Variants in CNTNAP2 observed in about 807,000 individuals in gnomAD.
The protein encoded by CNTNAP2 is contactin associated protein 2.
A neutral mutation model predicts 155.2 loss-of-function variants in CNTNAP2; 98 were observed. The observed-to-expected ratio is 0.63, with a 90% CI of 0.54 to 0.75. The LOEUF is 0.75. Ranked by LOEUF, CNTNAP2 falls within the 30% of genes least tolerant of loss-of-function variation. The probability of loss-of-function intolerance (pLI) is 0.00; values close to 1 mark genes in which losing one functional copy is unlikely to be tolerated. For missense variants in CNTNAP2, 1,727 were observed against 1,688.1 expected (o/e 1.02, Z -0.40); for synonymous variants, 651 against 631.2 (o/e 1.03, Z -0.47).
At position 148,365,861 on chromosome 7, in the gene CNTNAP2, CATGTAT is replaced by C. The variant is rs1293472174; in HGVS notation, c.3476-17787_3476-17782del. On this transcript the variant is annotated intron_variant, in intron 21 of 23. Coordinates refer to ENST00000361727, the MANE Select transcript of CNTNAP2 (RefSeq NM_014141.6). ...ATACATGCATGTGTATGCATGTATACATGTATGTGTATGCATGTATACATGTATGTG... is the reference window on the plus strand; with the variant it reads ...ATACATGCATGTGTATGCATGTATACGTGTATGCATGTATACATGTATGTG... Among the ~76,000 whole-genome samples the C allele has an allele frequency of 2.4e-4, 13 of 54,438 alleles. 5 individuals carry two copies. The highest frequency in any genetic ancestry group is 8.8e-4 in the African/African-American group (13 of 14,828). The allele number at this position is 54,438 out of a possible 152,430, so 35.7% of individuals were successfully genotyped here.
chr7:146,246,527 T>A (rs1799659142), intron 1 of CNTNAP2, among the ~76,000 whole-genome samples: 1 of 149,696 alleles, frequency 6.7e-6, no homozygotes, highest in Non-Finnish European at 1.5e-5. Flanking sequence ...TAATGTGGAG[T>A]GGGTAGCCTC....
At chr7:147,393,497 AAAC>A (rs1796758206) in intron 9 of CNTNAP2, among the ~76,000 whole-genome samples, 2 of 151,976 alleles carry the variant, frequency 1.3e-5, no homozygotes, top group Admixed American at 1.3e-4. Flanking sequence ...AAAAAAAAAA[AAAC>A]AGAAACAAAT....
chr7:146,439,842 G>A (rs759364567), intron 1 of CNTNAP2, among the ~76,000 whole-genome samples: 6 of 151,446 alleles, frequency 4.0e-5, no homozygotes, highest in East Asian at 1.9e-4. Context: ...AATCTCTCTC[G>A]GATAGGCGTG....
intron 14 of CNTNAP2, among the ~76,000 whole-genome samples, chr7:147,926,156 C>G (rs1800394463): frequency 6.6e-6 from 1 of 151,994 alleles, no homozygotes; most frequent in African/African-American, 2.4e-5. Context: ...ATTTGAAAGT[C>G]TAGTATGAAG....
intron 15 of CNTNAP2, among the ~76,000 whole-genome samples, chr7:148,093,133 C>T (rs1803882414): frequency 6.6e-6 from 1 of 151,522 alleles, no homozygotes; most frequent in Admixed American, 6.6e-5. Flanking sequence ...AACAGAAATA[C>T]CAGATAGCTG....
chr7:146,700,386 A>G (rs1406065830), intron 1 of CNTNAP2, among the ~76,000 whole-genome samples: 1 of 152,156 alleles, frequency 6.6e-6, no homozygotes, highest in Non-Finnish European at 1.5e-5. Flanking sequence ...TGTGAGGACC[A>G]GAGTGATGAT....
chr7:146,261,709 G>A (rs547298308), intron 1 of CNTNAP2, among the ~76,000 whole-genome samples: 2 of 152,024 alleles, frequency 1.3e-5, no homozygotes, highest in Admixed American at 6.6e-5. Context: ...GGTTGTAGCT[G>A]AACAGTTTTA....
intron 1 of CNTNAP2, among the ~76,000 whole-genome samples, chr7:146,360,922 G>A (rs1362413543): frequency 6.6e-6 from 1 of 152,082 alleles, no homozygotes; most frequent in East Asian, 1.9e-4. Flanking sequence ...GTGATACTGA[G>A]GTAACTCAAG....
At chr7:147,319,156 G>A (rs1224340945) in intron 9 of CNTNAP2, among the ~76,000 whole-genome samples, 1 of 152,028 alleles carries the variant, frequency 6.6e-6, no homozygotes, top group East Asian at 1.9e-4. Context: ...AGTATAGAAT[G>A]TCCATAAACG....
At chr7:147,237,854 G>T (rs559721222) in intron 8 of CNTNAP2, among the ~76,000 whole-genome samples, 31 of 152,236 alleles carry the variant, frequency 2.0e-4, no homozygotes, top group Middle Eastern at 3.4e-3. Context: ...CATTGAAACA[G>T]TCCTGGAAAA....
rs138984228 is a variant in CNTNAP2 at position 146,301,749 on chromosome 7, CACAGTGGTGCAA to C, written c.97+184777_97+184788del. On this transcript the variant is annotated intron_variant, in intron 1 of 23. Transcript: ENST00000361727. ...CTCCAAATAAATGCACATGTACATT[CACAGTGGTGCAA>C]GGAATTTTCTGGAAGGAGCAAACAT... Among the ~76,000 whole-genome samples the C allele has an allele frequency of 4.5e-3, 680 of 152,244 alleles. 8 individuals are homozygous for C. Among genetic ancestry groups the C allele is most frequent in the African/African-American group, 0.016 (653 of 41,536 alleles).
At chr7:148,328,116 C>T (rs982955534) in intron 21 of CNTNAP2, among the ~76,000 whole-genome samples, 5 of 152,274 alleles carry the variant, frequency 3.3e-5, no homozygotes, top group Admixed American at 2.6e-4. Context: ...GATGAGAACA[C>T]GCAGAGGCTA....
At chr7:147,289,139 T>C (rs1278577307) in intron 8 of CNTNAP2, among the ~76,000 whole-genome samples, 1 of 152,188 alleles carries the variant, frequency 6.6e-6, no homozygotes, top group Non-Finnish European at 1.5e-5. Context: ...TCTCTAGTGC[T>C]AAAATAGTAC....
intron 1 of CNTNAP2, among the ~76,000 whole-genome samples, chr7:146,310,233 G>T (rs913586430): frequency 6.6e-6 from 1 of 152,080 alleles, no homozygotes; most frequent in Admixed American, 6.6e-5. Context: ...TGATAAATGC[G>T]AATAGAATTT....
rs538677826 is a variant in CNTNAP2, at chr7:147,348,157, G to A, written c.1499-47452G>A. On this transcript the variant is annotated intron_variant, in intron 9 of 23. Transcript: ENST00000361727. ...AGGCCTCAAACACACAGATAAATAA[G>A]GAAAATGAGATTATATCACAGCACA... Among the ~76,000 whole-genome samples the A allele has an allele frequency of 3.3e-5, 5 of 151,822 alleles. No individual in the cohort carries two copies. In the South Asian group the frequency reaches 6.2e-4, roughly 19 times the overall value.
rs1311328349 is a variant in CNTNAP2 at position 146,331,315 on chromosome 7, AAAT to A, written c.97+214345_97+214347del. On this transcript the variant is annotated intron_variant, in intron 1 of 23. Coordinates refer to ENST00000361727, the MANE Select transcript of CNTNAP2 (RefSeq NM_014141.6). ...CGAGACTCCGTCTCAAAAAAAAAAAAAATAAAAATAACCAACTATCATATAAAT... is the reference window on the plus strand; with the variant it reads ...CGAGACTCCGTCTCAAAAAAAAAAAAAAAAATAACCAACTATCATATAAAT... Among the ~76,000 whole-genome samples, 513 of 125,878 alleles carry A rather than the reference AAAT, an allele frequency of 4.1e-3. 10 individuals are homozygous for A. Among genetic ancestry groups the A allele is most frequent in the African/African-American group, 0.019 (488 of 25,332 alleles). The allele number at this position is 125,878 out of a possible 152,430, so 82.6% of individuals were successfully genotyped here. A position where few individuals can be genotyped will look rare whatever the true frequency, so the allele number is the denominator to read the frequency against.
intron 1 of CNTNAP2, among the ~76,000 whole-genome samples, chr7:146,688,053 G>C (rs1043967309): frequency 2.6e-5 from 4 of 152,078 alleles, no homozygotes; most frequent in African/African-American, 9.7e-5. Flanking sequence ...TAAAGATGTC[G>C]CTGAAAAGAC....
intron 9 of CNTNAP2, among the ~76,000 whole-genome samples, chr7:147,315,079 T>C (rs1376475967): frequency 6.9e-6 from 1 of 145,712 alleles, no homozygotes; most frequent in African/African-American, 2.5e-5. Context: ...TTTCACACTT[T>C]AATGTCCTTA....
At chr7:147,662,342 C>A (rs139735501) in intron 13 of CNTNAP2, among the ~76,000 whole-genome samples, 59 of 152,314 alleles carry the variant, frequency 3.9e-4, no homozygotes, top group Non-Finnish European at 6.8e-4. Context: ...ATGGCACAGT[C>A]CCTACATCTG....
Sources: gnomAD v4.1 joint callset for allele counts (sites outside exome capture counted in the v4.1 genomes callset) on GRCh38, gnomAD v4.1.1 for gene constraint, MANE v1.5 for transcripts, NCBI Gene and HGNC (gene_info 2026-07-23, HGNC 2026-07-21) for gene names.